FANCA: variants seen among roughly 807,000 people sequenced by gnomAD.
The protein encoded by FANCA is Fanconi anemia group A protein.
FANCA carries 236 observed loss-of-function variants against 194.3 expected under a neutral mutation model. That is an observed-to-expected ratio of 1.21 (90% CI 1.09 to 1.35). The LOEUF (loss-of-function observed/expected upper bound fraction) is 1.35, where lower values mean the gene tolerates loss of function less well. Among genes scored for constraint, FANCA ranks in the 40% most tolerant of loss-of-function variants. FANCA has a pLI of 0.00. For synonymous variants in FANCA, 1,014 were observed against 715.8 expected (o/e 1.42, Z -6.65); for missense variants, 2,628 against 1,813.9 (o/e 1.45, Z -8.15).
At position 89,794,814 on chromosome 16, in the gene FANCA, C is replaced by T. The variant is rs531014272; in HGVS notation, c.1006+1092G>A. On this transcript the variant is annotated intron_variant, in intron 11 of 42. Transcript: ENST00000389301. ...GGTACAGTCTGTCATACATGGGTAA[C>T]AGGACACCCACTGGGCAGACGATGC... Among the ~76,000 whole-genome samples, 58 of 152,296 alleles carry T rather than the reference C, an allele frequency of 3.8e-4. No homozygotes were observed. The South Asian group carries it at 6.0e-3, about 16-fold the overall frequency.
intron 22 of FANCA, 88 bp downstream of exon 22, chr16:89,773,183 T>C (rs924411398): frequency 3.3e-5 from 34 of 1,015,912 alleles, no homozygotes; most frequent in Non-Finnish European, 4.5e-5. Context: ...ACCAGCCTGA[T>C]GTCACTATGG....
intron 6 of FANCA, among the ~76,000 whole-genome samples, chr16:89,808,039 C>G (rs1447076403): frequency 2.7e-5 from 4 of 149,854 alleles, no homozygotes; most frequent in Non-Finnish European, 4.4e-5. Context: ...ACCTGGGCCA[C>G]AGAGCGAGAC....
intron 8 of FANCA, among the ~76,000 whole-genome samples, chr16:89,803,043 T>C (rs1168845064): frequency 3.9e-5 from 6 of 152,156 alleles, no homozygotes. Context: ...ACATGTGAAA[T>C]GTTGCCAACA....
In FANCA at chr16:89,765,489, C is replaced by G. The variant is rs530549223; in HGVS notation, c.2602-423G>C. Among the ~76,000 whole-genome samples the G allele has an allele frequency of 6.6e-5, 10 of 152,398 alleles. No individual in the cohort carries two copies. The South Asian group carries it at 1.9e-3, about 28-fold the overall frequency. ...GCCTATGTGCAGACCTTCCTGCCAT[C>G]TGACTGCTTCCTTGAGCTAAATGTC... On this transcript the variant is annotated intron_variant, in intron 27 of 42. Transcript: ENST00000389301.
intron 34 of FANCA, 48 bp downstream of exon 34, chr16:89,746,783 C>A: frequency 6.3e-7 from 1 of 1,580,892 alleles, no homozygotes; most frequent in Non-Finnish European, 8.6e-7. Context: ...GAGGATCCAC[C>A]CACGGCGTTC....
chr16:89,784,830 T>C (rs1457124591), intron 15 of FANCA, 24 bp downstream of exon 15: 3 of 1,568,530 alleles, frequency 1.9e-6, no homozygotes, highest in East Asian at 2.2e-5. Context: ...CCAGAAATCA[T>C]GGATGTGGCA....
chr16:89,773,878 T>A (rs1011348945), intron 21 of FANCA, among the ~76,000 whole-genome samples: 7 of 151,330 alleles, frequency 4.6e-5, no homozygotes. Flanking sequence ...GTTCAAATCA[T>A]CCTGCCTCAG....
At position 89,738,235 on chromosome 16, in the gene FANCA, G is replaced by T. The variant is rs1180211362; in HGVS notation, c.*366C>A. 6.2e-7 allele frequency: 1 copy of T among 1,602,772 alleles called. No homozygotes were observed. The highest frequency in any genetic ancestry group is 1.1e-5 in the South Asian group (1 of 89,808). The stretch of plus-strand genomic sequence containing the variant: ...CACAGAGGGCCAGGCGGTGAAGCCC[G>T]AACCCACCTGAGGACGGCAGTGAGG... On this transcript the variant is annotated 3_prime_UTR_variant, in exon 43 of 43. Transcript: ENST00000389301.
At chr16:89,816,403 A>C (rs1200537040) in intron 1 of FANCA, 134 bp downstream of exon 1, 1 of 750,002 alleles carries the variant, frequency 1.3e-6, no homozygotes, top group African/African-American at 1.9e-5. Context: ...CCGGGCGCCC[A>C]CCCCGCACAG....
In FANCA at chr16:89,738,181, C is replaced by A; in HGVS notation, c.*420G>T. Reference sequence around the variant, plus strand: ...GGCCCTGCCCCTGGAGGCGGAACCACCACCTGGGCCACCGAGCCCCTCTGT... The same window carrying A: ...GGCCCTGCCCCTGGAGGCGGAACCAACACCTGGGCCACCGAGCCCCTCTGT... On this transcript the variant is annotated 3_prime_UTR_variant, in exon 43 of 43. Transcript: ENST00000389301. The A allele has an allele frequency of 6.2e-7, 1 of 1,611,888 alleles. No individual in the cohort carries two copies. Among genetic ancestry groups the A allele is most frequent in the Non-Finnish European group, 8.5e-7 (1 of 1,179,468 alleles).
In FANCA at chr16:89,771,690, T is replaced by C. The variant is rs749506441; in HGVS notation, c.2139A>G (p.Pro713=). 6.2e-7 allele frequency: 1 copy of C among 1,614,162 alleles called. No individual in the cohort carries two copies. Among genetic ancestry groups the C allele is most frequent in the Non-Finnish European group, 8.5e-7 (1 of 1,180,020 alleles). ...QLSINTPRLE[P]REHMAVDLLL... ...CCCCTACACCTACCATGTGTTCCCG[T>C]GGCTCCAGTCTCGGCGTGTTGATGC... is the stretch of plus-strand genomic sequence containing the variant. The change falls in exon 23 of 43, where the codon CCA becomes CCG. Residue 713 remains proline, a synonymous_variant. Transcript: ENST00000389301.
intron 17 of FANCA, among the ~76,000 whole-genome samples, chr16:89,781,370 A>AAAAC (rs2039697429): frequency 6.9e-6 from 1 of 145,824 alleles, no homozygotes; most frequent in Non-Finnish European, 1.5e-5. Context: ...TTCCAAAAAA[A>AAAAC]AAAAAAAAAA....
chr16:89,798,595 C>A (rs756639720), intron 10 of FANCA: 21 of 1,150,312 alleles, frequency 1.8e-5, no homozygotes, highest in Non-Finnish European at 2.0e-5. Context: ...TTCCACCAAA[C>A]CCCGATGTCC....
Position 89,773,394 on chromosome 16 carries a change from G to T in FANCA, c.1901-10C>A. 1 of 1,540,072 alleles carries T rather than the reference G, an allele frequency of 6.5e-7. No individual in the cohort carries two copies. The highest frequency in any genetic ancestry group is 8.8e-7 in the Non-Finnish European group (1 of 1,136,732). On this transcript the variant is annotated splice_polypyrimidine_tract_variant and intron_variant, in intron 21 of 42. Transcript: ENST00000389301. The stretch of plus-strand genomic sequence containing the variant: ...ACTCCCAGGGCTGCATCTGTGAGAA[G>T]AAGGAAGAAACCAGATGGAAAGACA...
intron 10 of FANCA, among the ~76,000 whole-genome samples, chr16:89,796,760 T>C (rs915213371): frequency 1.3e-5 from 2 of 152,098 alleles, no homozygotes; most frequent in East Asian, 1.9e-4. Context: ...CGGTGGCTCA[T>C]GCCTGTAATC....
chr16:89,800,405 A>G (rs1236059479), intron 8 of FANCA, among the ~76,000 whole-genome samples: 1 of 152,256 alleles, frequency 6.6e-6, no homozygotes, highest in Non-Finnish European at 1.5e-5. Flanking sequence ...CAAAGCCCAC[A>G]GACTGCAGTG....
At chr16:89,740,214 A>G (rs1182819035) in intron 38 of FANCA, 115 bp from the exon 39 acceptor site, 16 of 885,578 alleles carry the variant, frequency 1.8e-5, no homozygotes, top group Admixed American at 7.0e-5. Context: ...TGTAAGTCTT[A>G]AAACTGGTGA....
chr16:89,761,902 G>A (rs1297058303), intron 29 of FANCA, 47 bp downstream of exon 29: 4 of 1,460,392 alleles, frequency 2.7e-6, no homozygotes, highest in African/African-American at 2.8e-5. Context: ...TGGGATTATA[G>A]GTGTGAGCCA....
At chr16:89,767,069 C>A in intron 27 of FANCA, 72 bp downstream of exon 27, 2 of 1,242,222 alleles carry the variant, frequency 1.6e-6, no homozygotes, top group South Asian at 2.4e-5. Flanking sequence ...CAGACCTCGG[C>A]CTTCCGGTCC....
Sources: gnomAD v4.1 joint callset for allele counts (sites outside exome capture counted in the v4.1 genomes callset) on GRCh38, gnomAD v4.1.1 for gene constraint, MANE v1.5 for transcripts, NCBI Gene and HGNC (gene_info 2026-07-23, HGNC 2026-07-21) for gene names.